Variants in RSRC1 observed in about 807,000 individuals in gnomAD.
The protein encoded by RSRC1 is serine/Arginine-related protein 53.
In RSRC1, 39 loss-of-function variants were observed where a neutral mutation model predicts 49.1. That is an observed-to-expected ratio of 0.79 (90% CI 0.61 to 1.04). The LOEUF is 1.04. Among genes scored for constraint, RSRC1 ranks in the 50% least tolerant of loss-of-function variants. The probability of loss-of-function intolerance (pLI) is 0.00; values close to 1 mark genes in which losing one functional copy is unlikely to be tolerated. For missense variants in RSRC1, 388 were observed against 402.4 expected (o/e 0.96, Z 0.31); for synonymous variants, 143 against 130.8 (o/e 1.09, Z -0.63).
At chr3:158,465,469 G>A (rs1376770992) in intron 7 of RSRC1, among the ~76,000 whole-genome samples, 1 of 152,060 alleles carries the variant, frequency 6.6e-6, no homozygotes, top group Non-Finnish European at 1.5e-5. Context: ...GTTCCTTCTG[G>A]ATACCCTTTA....
intron 4 of RSRC1, among the ~76,000 whole-genome samples, chr3:158,286,214 T>A (rs1445232245): frequency 6.6e-6 from 1 of 152,188 alleles, no homozygotes; most frequent in Non-Finnish European, 1.5e-5. Context: ...TTGTAAAATC[T>A]TGTTTTATTC....
intron 6 of RSRC1, among the ~76,000 whole-genome samples, chr3:158,357,178 C>T (rs144305122): frequency 7.2e-5 from 11 of 152,236 alleles, no homozygotes; most frequent in African/African-American, 2.4e-4. Flanking sequence ...CTGTAATGAA[C>T]ACCCTCTTAT....
At chr3:158,132,227 C>T (rs953488975) in intron 3 of RSRC1, 4 of 384,656 alleles carry the variant, frequency 1.0e-5, no homozygotes, top group South Asian at 2.0e-5. Flanking sequence ...CTCAAGCGAT[C>T]CCCCTGCCTT....
chr3:158,268,300 A>C (rs1005608446), intron 4 of RSRC1, among the ~76,000 whole-genome samples: 1 of 152,110 alleles, frequency 6.6e-6, no homozygotes, highest in African/African-American at 2.4e-5. Context: ...ATTTCTCTCT[A>C]ATCTCTGGCT....
intron 5 of RSRC1, among the ~76,000 whole-genome samples, chr3:158,329,107 T>C (rs889999959): frequency 1.3e-5 from 2 of 151,358 alleles, no homozygotes; most frequent in Non-Finnish European, 3.0e-5. Flanking sequence ...TAAGGACTTC[T>C]CTACTCTGGT....
At chr3:158,316,248 G>T (rs560602524) in intron 5 of RSRC1, among the ~76,000 whole-genome samples, 2 of 152,114 alleles carry the variant, frequency 1.3e-5, no homozygotes, top group Admixed American at 6.5e-5. Flanking sequence ...TATGCTCACG[G>T]CTGTTGCAGT....
At chr3:158,185,310 A>G (rs977572475) in intron 3 of RSRC1, among the ~76,000 whole-genome samples, 1 of 151,994 alleles carries the variant, frequency 6.6e-6, no homozygotes, top group African/African-American at 2.4e-5. Context: ...TTACTTGATA[A>G]GGACTTCTCT....
At chr3:158,474,144 G>A (rs1182898384) in intron 7 of RSRC1, among the ~76,000 whole-genome samples, 1 of 152,090 alleles carries the variant, frequency 6.6e-6, no homozygotes, top group African/African-American at 2.4e-5. Flanking sequence ...ATTTGATAAT[G>A]AAGCCAAATC....
Position 158,451,558 on chromosome 3 carries a change from A to G in RSRC1, c.584-9377A>G, listed in dbSNP as rs558554295. 3.4e-4 allele frequency among the ~76,000 whole-genome samples: 51 copies of G among 152,128 alleles called. No individual in the cohort carries two copies. The South Asian group carries it at 0.01, about 31-fold the overall frequency. ...TTTTTGCTCTCTATGTTAAATTACA[A>G]CTGCCTTAGTACTTAACATGAAACT... On this transcript the variant is annotated intron_variant, in intron 6 of 9. Transcript: ENST00000611884.
At chr3:158,190,608 G>T (rs1720182336) in intron 3 of RSRC1, among the ~76,000 whole-genome samples, 2 of 142,406 alleles carry the variant, frequency 1.4e-5, no homozygotes. Context: ...CCTGTTATTT[G>T]TCCATTTTTT....
At chr3:158,248,979 C>T (rs1043357355) in intron 4 of RSRC1, among the ~76,000 whole-genome samples, 2 of 152,070 alleles carry the variant, frequency 1.3e-5, no homozygotes, top group Non-Finnish European at 2.9e-5. Context: ...TGATTTTAGT[C>T]GTTCTGATGG....
intron 3 of RSRC1, chr3:158,132,017 T>C (rs1193851267): frequency 3.2e-6 from 1 of 317,298 alleles, no homozygotes; most frequent in South Asian, 2.5e-5. Context: ...AGAGTGTTGC[T>C]CTGTCACCTG....
chr3:158,313,764 T>G (rs1279318498), intron 5 of RSRC1, among the ~76,000 whole-genome samples: 1 of 152,248 alleles, frequency 6.6e-6, no homozygotes, highest in Non-Finnish European at 1.5e-5. Flanking sequence ...TTTGCTTTTA[T>G]TATTTATTTA....
intron 4 of RSRC1, among the ~76,000 whole-genome samples, chr3:158,241,602 T>A (rs1310422923): frequency 6.6e-6 from 1 of 152,080 alleles, no homozygotes; most frequent in East Asian, 1.9e-4. Flanking sequence ...ATCAGCCGGG[T>A]TAAGTGAAAA....
intron 4 of RSRC1, among the ~76,000 whole-genome samples, chr3:158,253,050 T>C (rs925359735): frequency 5.9e-5 from 9 of 151,910 alleles, no homozygotes; most frequent in African/African-American, 2.2e-4. Context: ...TCATTGATTT[T>C]TTTTGGCACT....
At chr3:158,265,754 A>G (rs1209711563) in intron 4 of RSRC1, among the ~76,000 whole-genome samples, 1 of 152,206 alleles carries the variant, frequency 6.6e-6, no homozygotes, top group African/African-American at 2.4e-5. Context: ...ATTGCAATTT[A>G]TCAGCTTTTT....
At chr3:158,183,142 A>G (rs1719725791) in intron 3 of RSRC1, among the ~76,000 whole-genome samples, 1 of 152,168 alleles carries the variant, frequency 6.6e-6, no homozygotes, top group Non-Finnish European at 1.5e-5. Flanking sequence ...TTATTGGTCC[A>G]GATAAAGGTA....
chr3:158,421,621 CAG>C (rs1464572968), intron 6 of RSRC1, among the ~76,000 whole-genome samples: 1 of 151,476 alleles, frequency 6.6e-6, no homozygotes, highest in East Asian at 2.0e-4. Context: ...ATGATACAAA[CAG>C]AAAAAATGGG....
chr3:158,479,414 A>C (rs963598848), intron 7 of RSRC1, among the ~76,000 whole-genome samples: 3 of 151,836 alleles, frequency 2.0e-5, no homozygotes, highest in Non-Finnish European at 4.4e-5. Context: ...TATTCCATTC[A>C]TTTTGTAGCT....
Sources: gnomAD v4.1 joint callset for allele counts (sites outside exome capture counted in the v4.1 genomes callset) on GRCh38, gnomAD v4.1.1 for gene constraint, MANE v1.5 for transcripts, NCBI Gene and HGNC (gene_info 2026-07-23, HGNC 2026-07-21) for gene names.